SYTL5: variants seen among roughly 807,000 people sequenced by gnomAD.
SYTL5 encodes the protein synaptotagmin like 5.
A neutral mutation model predicts 55.9 loss-of-function variants in SYTL5; 34 were observed. The observed-to-expected ratio is 0.61, with a 90% confidence interval of 0.46 to 0.81. SYTL5 has a LOEUF of 0.81. Among genes scored for constraint, SYTL5 ranks in the 30% least tolerant of loss-of-function variants. The probability of loss-of-function intolerance (pLI) is 0.00; values close to 1 mark genes in which losing one functional copy is unlikely to be tolerated. For missense variants in SYTL5, 637 were observed against 546.7 expected, an observed-to-expected ratio of 1.17 and a Z score of -1.65; for synonymous variants, 221 against 188.7, an observed-to-expected ratio of 1.17 and a Z score of -1.40.
In SYTL5 at chrX:38,110,394, G is replaced by C. The variant is rs762960155; in HGVS notation, c.1508G>C (p.Arg503Pro). The stretch of plus-strand genomic sequence containing the variant: ...GTCTGGCACTATGATCGATTTGGAC[G>C]TAATAGCTTCCTCGGGGAAGTAGAG... ...LSVWHYDRFGRNSFLGEVEIP... is the reference protein window; with the variant it reads ...LSVWHYDRFGPNSFLGEVEIP... Residue 503 changes from arginine (R) to proline (P), a missense_variant, in exon 13 of 17, where the codon CGT (arginine) becomes CCT (proline). Coordinates refer to ENST00000297875, the MANE Select transcript of SYTL5 (RefSeq NM_138780.3). The C allele has an allele frequency of 2.5e-6, 3 of 1,208,350 alleles. No homozygotes were observed. Among genetic ancestry groups the C allele is most frequent in the East Asian group, 3.0e-5 (1 of 33,784 alleles).
In SYTL5 at chrX:38,076,591, G is replaced by A. The variant is rs12558731; in HGVS notation, c.579G>A (p.Ser193=). 0.01 allele frequency: 12,145 copies of A among 1,201,694 alleles called. 67 individuals are homozygous for A. The highest frequency in any genetic ancestry group is 0.025 in the Admixed American group (1,154 of 45,338). Residue 193 remains serine (S), a synonymous_variant, in exon 6 of 17, where the codon TCG becomes TCA. Coordinates refer to ENST00000297875, the MANE Select transcript of SYTL5 (RefSeq NM_138780.3). ...GATTTCTTCTTAGCAAGTTCAGATC[G>A]GCAACCAGAGGAGAAATCATAACTC... ...RKGFLLSKFR[S]ATRGEIITPK...
intron 6 of SYTL5, among the ~76,000 whole-genome samples, chrX:38,081,428 AAAG>A (rs912141393): frequency 8.9e-6 from 1 of 112,015 alleles, no homozygotes; most frequent in African/African-American, 3.2e-5. Context: ...TGCAAAAAAA[AAAG>A]AACTTTAGCT....
At chrX:37,926,493 T>G in the SYTL5 span, among the ~76,000 whole-genome samples, 1 of 111,159 alleles carries the variant, frequency 9.0e-6, no homozygotes, top group East Asian at 2.8e-4. Context: ...ATATAGTCAG[T>G]GTGCTCAATA....
intron 1 of SYTL5, among the ~76,000 whole-genome samples, chrX:38,030,884 C>T (rs1335895043): frequency 8.9e-6 from 1 of 112,082 alleles, no homozygotes; most frequent in Non-Finnish European, 1.9e-5. Context: ...TCCTGCTCTC[C>T]GGAAGGTGGA....
intron 2 of SYTL5, among the ~76,000 whole-genome samples, chrX:38,043,422 G>A (rs1194190008): frequency 9.7e-6 from 1 of 103,420 alleles, no homozygotes; most frequent in African/African-American, 3.5e-5. Context: ...TCATATAGTT[G>A]GAAATTGCAT....
the SYTL5 span, among the ~76,000 whole-genome samples, chrX:37,892,469 T>C: frequency 2.0e-5 from 2 of 100,713 alleles, no homozygotes; most frequent in Non-Finnish European, 4.0e-5. Context: ...ATACTACATA[T>C]GTGTATATGT....
At chrX:38,041,101 C>G (rs760466723) in intron 2 of SYTL5, among the ~76,000 whole-genome samples, 5 of 111,603 alleles carry the variant, frequency 4.5e-5, no homozygotes, top group Non-Finnish European at 7.5e-5. Context: ...TTATGGTTTT[C>G]TCTTAATGTG....
At chrX:37,999,481 G>A in the SYTL5 span, among the ~76,000 whole-genome samples, 5 of 112,090 alleles carry the variant, frequency 4.5e-5, no homozygotes, top group Non-Finnish European at 7.5e-5. Flanking sequence ...TAGCATCAAG[G>A]AGGCAGGTTA....
the SYTL5 span, among the ~76,000 whole-genome samples, chrX:37,899,758 T>A: frequency 3.6e-5 from 4 of 111,753 alleles, no homozygotes. Flanking sequence ...GACCTTTTTT[T>A]AATATATTGG....
chrX:37,893,728 A>AGAGAT, the SYTL5 span, among the ~76,000 whole-genome samples: 1 of 85,283 alleles, frequency 1.2e-5, no homozygotes, highest in East Asian at 3.5e-4. Context: ...TAGATTATAT[A>AGAGAT]TAATCTATAG....
At chrX:38,125,584 C>A in intron 16 of SYTL5, 78 bp downstream of exon 16, 1 of 729,823 alleles carries the variant, frequency 1.4e-6, no homozygotes. Context: ...ATGTGATGTG[C>A]AGTGGATGTA....
At chrX:38,008,353 C>A (rs1017480181) in intron 1 of SYTL5, among the ~76,000 whole-genome samples, 1 of 111,555 alleles carries the variant, frequency 9.0e-6, no homozygotes, top group African/African-American at 3.3e-5. Flanking sequence ...TCTCCAACCT[C>A]GTTCCATTCC....
intron 3 of SYTL5, among the ~76,000 whole-genome samples, chrX:38,065,826 G>A (rs184343536): frequency 3.6e-5 from 4 of 111,798 alleles, no homozygotes; most frequent in South Asian, 3.8e-4. Flanking sequence ...TAGGCCGGGC[G>A]TGGTGGCTCA....
chrX:37,999,877 G>T, the SYTL5 span, among the ~76,000 whole-genome samples: 1 of 111,856 alleles, frequency 8.9e-6, no homozygotes, highest in Non-Finnish European at 1.9e-5. Flanking sequence ...GATGAGAGCT[G>T]GTCATCCCAC....
intron 10 of SYTL5, among the ~76,000 whole-genome samples, chrX:38,105,599 G>C (rs1166958757): frequency 8.9e-6 from 1 of 112,222 alleles, no homozygotes; most frequent in Non-Finnish European, 1.9e-5. Context: ...ATGGGAGGCA[G>C]GTTTGCTCTA....
At chrX:38,114,719 T>C (rs1937442337) in intron 13 of SYTL5, among the ~76,000 whole-genome samples, 1 of 111,549 alleles carries the variant, frequency 9.0e-6, no homozygotes, top group Non-Finnish European at 1.9e-5. Flanking sequence ...TTTTCAAGAA[T>C]ACAAAACATT....
At chrX:37,930,910 A>G in the SYTL5 span, among the ~76,000 whole-genome samples, 1 of 111,855 alleles carries the variant, frequency 8.9e-6, no homozygotes, top group Non-Finnish European at 1.9e-5. Context: ...AAAGAGAACA[A>G]GTACTTTTTC....
At chrX:37,930,466 A>G in the SYTL5 span, among the ~76,000 whole-genome samples, 1 of 111,209 alleles carries the variant, frequency 9.0e-6, no homozygotes, top group Admixed American at 9.6e-5. Context: ...TGGAGTATAG[A>G]TAAGATGGCT....
At chrX:38,038,483 A>C (rs981572642) in intron 2 of SYTL5, among the ~76,000 whole-genome samples, 2 of 112,350 alleles carry the variant, frequency 1.8e-5, no homozygotes, top group African/African-American at 6.5e-5. Flanking sequence ...TTTTATTACA[A>C]CAGTAAACTT....
Sources: allele counts gnomAD v4.1 joint callset (sites outside exome capture counted in the v4.1 genomes callset), GRCh38; gene constraint gnomAD v4.1.1; transcripts MANE v1.5; gene names NCBI Gene and HGNC (gene_info 2026-07-23, HGNC 2026-07-21).